The following ERBB4 variants were observed in gnomAD, a reference collection of about 807,000 sequenced individuals.
The protein encoded by ERBB4 is erb-b2 receptor tyrosine kinase 4.
Under a neutral mutation model 158.0 loss-of-function variants are expected in ERBB4, and 42 were observed. The observed-to-expected ratio is 0.27, with a 90% confidence interval of 0.21 to 0.34. The LOEUF (loss-of-function observed/expected upper bound fraction) is 0.34. ERBB4 is among the 10% of genes least tolerant of loss of function. ERBB4 has a pLI of 1.00. For missense variants in ERBB4, 1,333 were observed against 1,624.1 expected (o/e 0.82, Z 3.08); for synonymous variants, 583 against 558.7 (o/e 1.04, Z -0.61).
At chr2:211,879,459 G>T (rs1421305295) in intron 3 of ERBB4, among the ~76,000 whole-genome samples, 1 of 152,192 alleles carries the variant, frequency 6.6e-6, no homozygotes, top group Non-Finnish European at 1.5e-5. Context: ...TATATCCTAT[G>T]TCTTCATCTA....
At chr2:212,120,160 T>C (rs2125560136) in intron 2 of ERBB4, among the ~76,000 whole-genome samples, 1 of 152,294 alleles carries the variant, frequency 6.6e-6, no homozygotes, top group Admixed American at 6.5e-5. Context: ...TCTACTCTGT[T>C]TCTGTTTCAG....
chr2:211,992,569 A>AGAG lies in ERBB4; in HGVS notation c.235-44954_235-44953insCTC, dbSNP rs1421252908. ...TGAGAGAGAGAGAGAGAGAGAGAGA[A>AGAG]AAAAAAAAAAAACATGAGTTTGTCA... is the stretch of plus-strand genomic sequence containing the variant. On this transcript the variant is annotated intron_variant, in intron 2 of 27. Coordinates refer to ENST00000342788, the MANE Select transcript of ERBB4 (RefSeq NM_005235.3). 3.4e-3 allele frequency among the ~76,000 whole-genome samples: 384 copies of AGAG among 113,086 alleles called. 1 individual carries two copies. The highest frequency in any genetic ancestry group is 0.014 in the Middle Eastern group (3 of 222). The allele number at this position is 113,086 out of a possible 152,430, so 74.2% of individuals were successfully genotyped here.
chr2:211,524,716 C>T (rs1447730510), intron 20 of ERBB4, among the ~76,000 whole-genome samples: 4 of 152,106 alleles, frequency 2.6e-5, no homozygotes, highest in South Asian at 2.1e-4. Flanking sequence ...CCAGCTGGCC[C>T]GCAAGCGCCA....
chr2:211,831,321 G>T (rs1046171922), intron 3 of ERBB4, among the ~76,000 whole-genome samples: 2 of 152,118 alleles, frequency 1.3e-5, no homozygotes, highest in East Asian at 1.9e-4. Context: ...CTCATGAAGG[G>T]TCATGTTATG....
chr2:211,606,797 T>C (rs2068997305), intron 19 of ERBB4, among the ~76,000 whole-genome samples: 1 of 152,196 alleles, frequency 6.6e-6, no homozygotes, highest in Admixed American at 6.5e-5. Flanking sequence ...TAGTAGCACA[T>C]TCATTAAGTA....
intron 1 of ERBB4, among the ~76,000 whole-genome samples, chr2:212,401,808 T>G (rs2106464463): frequency 6.6e-6 from 1 of 152,144 alleles, no homozygotes; most frequent in South Asian, 2.1e-4. Context: ...GCCACAAACA[T>G]AATTATTGAA....
intron 1 of ERBB4, among the ~76,000 whole-genome samples, chr2:212,477,961 T>G (rs1221563695): frequency 6.6e-6 from 1 of 152,116 alleles, no homozygotes; most frequent in Non-Finnish European, 1.5e-5. Flanking sequence ...TTAGCCTTCA[T>G]CCTAGAAATA....
At chr2:211,671,836 A>G (rs1440158686) in intron 14 of ERBB4, among the ~76,000 whole-genome samples, 1 of 152,186 alleles carries the variant, frequency 6.6e-6, no homozygotes, top group Non-Finnish European at 1.5e-5. Context: ...GTTTCATGAC[A>G]TTCTTTACAG....
intron 2 of ERBB4, among the ~76,000 whole-genome samples, chr2:212,034,302 G>A (rs536337047): frequency 2.0e-4 from 31 of 151,664 alleles, no homozygotes; most frequent in Non-Finnish European, 3.8e-4. Context: ...TTCTACTTTT[G>A]ACTATTAAAT....
chr2:211,678,910 T>C (rs564409154), intron 13 of ERBB4, 142 bp downstream of exon 13: 376 of 718,898 alleles, frequency 5.2e-4, no homozygotes, highest in Non-Finnish European at 6.9e-4. Flanking sequence ...GAGCTTGCAG[T>C]GAGCCGAGAT....
intron 1 of ERBB4, among the ~76,000 whole-genome samples, chr2:212,535,150 T>C (rs977189176): frequency 6.6e-6 from 1 of 152,144 alleles, no homozygotes; most frequent in Non-Finnish European, 1.5e-5. Flanking sequence ...GTTATAGTAT[T>C]TCCAAGCGAT....
At chr2:211,795,384 A>G (rs1262932768) in intron 3 of ERBB4, among the ~76,000 whole-genome samples, 3 of 151,846 alleles carry the variant, frequency 2.0e-5, no homozygotes, top group Non-Finnish European at 4.4e-5. Flanking sequence ...AGTTGCTTCT[A>G]TTATAATTTT....
At chr2:211,735,377 T>C (rs1437042825) in intron 5 of ERBB4, among the ~76,000 whole-genome samples, 1 of 152,198 alleles carries the variant, frequency 6.6e-6, no homozygotes, top group Non-Finnish European at 1.5e-5. Context: ...GTTTTCTGAC[T>C]CCTATATATC....
At chr2:211,548,679 ACT>A (rs1401572944) in intron 20 of ERBB4, among the ~76,000 whole-genome samples, 2 of 151,764 alleles carry the variant, frequency 1.3e-5, no homozygotes, top group East Asian at 1.9e-4. Flanking sequence ...CCTTACCTGG[ACT>A]CTGTCACCTG....
chr2:211,846,846 TATTTCTCCAG>T (rs2077601105), intron 3 of ERBB4, among the ~76,000 whole-genome samples: 1 of 152,148 alleles, frequency 6.6e-6, no homozygotes. Flanking sequence ...ATCTTAGTTA[TATTTCTCCAG>T]TTCCCTATTT....
At chr2:212,394,367 T>G (rs2106445105) in intron 1 of ERBB4, among the ~76,000 whole-genome samples, 1 of 152,258 alleles carries the variant, frequency 6.6e-6, no homozygotes, top group South Asian at 2.1e-4. Context: ...ATAATGGTAC[T>G]GTCGCTAATA....
intron 20 of ERBB4, among the ~76,000 whole-genome samples, chr2:211,453,320 ATAG>A (rs1310524849): frequency 6.6e-6 from 1 of 152,204 alleles, no homozygotes; most frequent in Non-Finnish European, 1.5e-5. Context: ...AAATACTAAA[ATAG>A]TAGATATTAC....
At chr2:212,248,367 G>A (rs915127906) in intron 1 of ERBB4, among the ~76,000 whole-genome samples, 2 of 152,014 alleles carry the variant, frequency 1.3e-5, no homozygotes, top group African/African-American at 4.8e-5. Flanking sequence ...AACTTTTTGT[G>A]TCCTCTGACA....
rs138272591 is a variant in ERBB4, at chr2:212,113,325, C to T, written c.234+11427G>A. Among the ~76,000 whole-genome samples the T allele has an allele frequency of 4.7e-3, 710 of 151,964 alleles. 3 individuals carry two copies. The highest frequency in any genetic ancestry group is 0.016 in the African/African-American group (673 of 41,442). ...GTGCGGTGGCTCACGCCTGTAATCC[C>T]GGCACTTTGAGAGGCTGAGGAGGGT... On this transcript the variant is annotated intron_variant, in intron 2 of 27. Transcript: ENST00000342788.
Sources: allele counts gnomAD v4.1 joint callset (sites outside exome capture counted in the v4.1 genomes callset), GRCh38; gene constraint gnomAD v4.1.1; transcripts MANE v1.5; gene names NCBI Gene and HGNC (gene_info 2026-07-23, HGNC 2026-07-21).